Variants in CRMP1 observed in about 807,000 individuals in gnomAD.
CRMP1 encodes the protein dihydropyrimidinase-related protein 1.
CRMP1 carries 19 observed loss-of-function variants against 68.3 expected under a neutral mutation model. The observed-to-expected ratio is 0.28, with a 90% CI of 0.19 to 0.41. The LOEUF is 0.41. Among genes scored for constraint, CRMP1 ranks in the 10% least tolerant of loss-of-function variants. The pLI, the probability that CRMP1 is intolerant of heterozygous loss-of-function variation, is 1.00. For missense variants in CRMP1, 791 were observed against 967.4 expected (o/e 0.82, Z 2.42); for synonymous variants, 439 against 399.6 (o/e 1.10, Z -1.18).
rs1560508555 is a variant in CRMP1 at position 5,861,102 on chromosome 4, G to A, written c.579C>T (p.Pro193=). 1 of 1,614,216 alleles carries A rather than the reference G, an allele frequency of 6.2e-7. No homozygotes were observed. ...CATCAGCCGCAGTCATCCCCTGGGA[G>A]GGCTTCTGCAGGTACGTGTTGACAT... ...GIDVNTYLQK[P]SQGMTAADDF... Residue 193 remains proline, a synonymous_variant, in exon 3 of 14, where the codon CCC becomes CCT. Transcript: ENST00000324989. This position sits in a 1 kb window ranked among gnomAD's most constrained non-coding sequence, Gnocchi z 6.0.
chr4:5,890,737 AG>A lies in CRMP1; in HGVS notation c.381+1851del, dbSNP rs1409235580. On this transcript the variant is annotated intron_variant, in intron 1 of 13. Coordinates refer to ENST00000324989, the MANE Select transcript of CRMP1 (RefSeq NM_001014809.3). This position sits in a 1 kb window ranked among gnomAD's most constrained non-coding sequence, Gnocchi z 5.5. ...AGAGGTGAAGCGACCAGCGTCCCCA[AG>A]GGTCAGGGCGCAGCTGCGGGGCTGG... 6.6e-6 allele frequency among the ~76,000 whole-genome samples: 1 copy of A among 152,064 alleles called. No individual in the cohort carries two copies. The highest frequency in any genetic ancestry group is 1.5e-5 in the Non-Finnish European group (1 of 68,010).
chr4:5,836,942 A>C, intron 9 of CRMP1, 36 bp from the exon 10 acceptor site: 3 of 1,561,706 alleles, frequency 1.9e-6, no homozygotes, highest in South Asian at 1.2e-5. Flanking sequence ...TTCAGACCCT[A>C]GTTCATTTTG....
chr4:5,874,476 C>G (rs147185400), intron 1 of CRMP1, among the ~76,000 whole-genome samples: 1 of 152,288 alleles, frequency 6.6e-6, no homozygotes, highest in African/African-American at 2.4e-5. Flanking sequence ...CCCCAATGGT[C>G]ACAGTTCATG....
chr4:5,849,638 G>A (rs1490494273), intron 5 of CRMP1, among the ~76,000 whole-genome samples, 166 bp from the exon 6 acceptor site: 1 of 152,202 alleles, frequency 6.6e-6, no homozygotes, highest in Non-Finnish European at 1.5e-5. Context: ...AGTCAGACTT[G>A]GAAGGATCAT....
chr4:5,858,563 A>C lies in CRMP1; in HGVS notation c.656-2256T>G, dbSNP rs2152467004. Among the ~76,000 whole-genome samples, 1 of 152,194 alleles carries C rather than the reference A, an allele frequency of 6.6e-6. No individual in the cohort carries two copies. Among genetic ancestry groups the C allele is most frequent in the Non-Finnish European group, 1.5e-5 (1 of 68,002 alleles). On this transcript the variant is annotated intron_variant, in intron 3 of 13. Coordinates refer to ENST00000324989, the MANE Select transcript of CRMP1 (RefSeq NM_001014809.3). This position sits in a 1 kb window ranked among gnomAD's most constrained non-coding sequence, Gnocchi z 5.5. ...CTCCTCCATATCCCTGGAGCTGTCCAATTCTGCCCACTCCATGGCCACGCC... is the reference window on the plus strand; with the variant it reads ...CTCCTCCATATCCCTGGAGCTGTCCCATTCTGCCCACTCCATGGCCACGCC...
chr4:5,891,164 C>CCACACACACACACACACACACA lies in CRMP1; in HGVS notation c.381+1424_381+1425insTGTGTGTGTGTGTGTGTGTGTG, dbSNP rs1239944357. Among the ~76,000 whole-genome samples, 1 of 63,288 alleles carries CCACACACACACACACACACACA rather than the reference C, an allele frequency of 1.6e-5. No individual in the cohort carries two copies. Among genetic ancestry groups the CCACACACACACACACACACACA allele is most frequent in the Non-Finnish European group, 3.9e-5 (1 of 25,758 alleles). 41.5% of individuals were successfully genotyped at this position (63,288 alleles called of 152,430 possible). A position where few individuals can be genotyped will look rare whatever the true frequency, so the allele number is the denominator to read the frequency against. ...ATCTCCCTTTCTGATCACCCCACCA[C>CCACACACACACACACACACACA]CACACACACATACACACACACACAC... On this transcript the variant is annotated intron_variant, in intron 1 of 13. Transcript: ENST00000324989. This position sits in a 1 kb window ranked among gnomAD's most constrained non-coding sequence, Gnocchi z 5.2.
At chr4:5,833,976 G>T (rs1464926008) in intron 11 of CRMP1, among the ~76,000 whole-genome samples, 1 of 152,184 alleles carries the variant, frequency 6.6e-6, no homozygotes, top group African/African-American at 2.4e-5. Flanking sequence ...AACCCGGGAG[G>T]CGGAGCTTGC....
chr4:5,864,555 A>G (rs1713840149), intron 2 of CRMP1, among the ~76,000 whole-genome samples: 1 of 152,172 alleles, frequency 6.6e-6, no homozygotes. Context: ...CAGGACCTAC[A>G]GGTGCTGGGC....
At chr4:5,857,065 C>CCCA (rs1172838903) in intron 3 of CRMP1, among the ~76,000 whole-genome samples, 2,180 of 137,100 alleles carry the variant, frequency 0.016, 49 homozygotes, top group African/African-American at 0.057. Flanking sequence ...TCATTATCAC[C>CCCA]CCACCATCAC....
chr4:5,839,431 G>A lies in CRMP1; in HGVS notation c.1310+91C>T, dbSNP rs547213502. On this transcript the variant is annotated intron_variant, in intron 9 of 13. Coordinates refer to ENST00000324989, the MANE Select transcript of CRMP1 (RefSeq NM_001014809.3). ...GGCAGAGCCTCCTCTACAATCATGA[G>A]TCCAAACCAGCCTGCGGATTCCCAC... 17 of 1,484,180 alleles carry A rather than the reference G, an allele frequency of 1.1e-5. No individual in the cohort carries two copies. The East Asian group carries it at 4.0e-4, about 34-fold the overall frequency. The allele number at this position is 1,484,180 out of a possible 1,614,324, so 91.9% of individuals were successfully genotyped here.
chr4:5,831,786 A>G (rs73206298), intron 11 of CRMP1, among the ~76,000 whole-genome samples: 2,115 of 152,332 alleles, frequency 0.014, 26 homozygotes, highest in South Asian at 0.04. Context: ...CAATTCCTTC[A>G]TTTCTTAAAG....
intron 12 of CRMP1, chr4:5,827,934 G>C: frequency 1.6e-6 from 1 of 633,780 alleles, no homozygotes. Flanking sequence ...CCCTTTGACA[G>C]ATGTCCTGAG....
chr4:5,840,125 A>C (rs975837985), intron 8 of CRMP1, among the ~76,000 whole-genome samples: 8 of 152,188 alleles, frequency 5.3e-5, no homozygotes, highest in Non-Finnish European at 8.8e-5. Flanking sequence ...GACATAAGGC[A>C]GGGAAAGCAG....
rs2152477860 is a variant in CRMP1 at position 5,890,348 on chromosome 4, T to C, written c.381+2241A>G. The stretch of plus-strand genomic sequence containing the variant: ...CGCCGGTACAAAGCGCCGCAGCCGC[T>C]CAGCCTCCGGCAGCGGCAATCCTTG... On this transcript the variant is annotated intron_variant, in intron 1 of 13. Coordinates refer to ENST00000324989, the MANE Select transcript of CRMP1 (RefSeq NM_001014809.3). The surrounding 1 kb of genome is among the most constrained non-coding windows in gnomAD (Gnocchi z 5.5). Among the ~76,000 whole-genome samples the C allele has an allele frequency of 6.6e-6, 1 of 152,164 alleles. No homozygotes were observed. The highest frequency in any genetic ancestry group is 2.1e-4 in the South Asian group (1 of 4,812).
At chr4:5,885,688 T>C (rs3774894) in intron 1 of CRMP1, among the ~76,000 whole-genome samples, 82,877 of 151,852 alleles carry the variant, frequency 0.55, 23,106 homozygotes, top group East Asian at 0.74. Flanking sequence ...CTGGGGTTTC[T>C]TCCGCCCCGC....
intron 12 of CRMP1, among the ~76,000 whole-genome samples, chr4:5,827,843 C>G (rs1304000656): frequency 6.6e-6 from 1 of 152,126 alleles, no homozygotes; most frequent in East Asian, 1.9e-4. Flanking sequence ...AAGATGTTGG[C>G]CACGGGCGGG....
chr4:5,862,293 T>C (rs16837759), intron 2 of CRMP1, among the ~76,000 whole-genome samples: 1,896 of 147,274 alleles, frequency 0.013, 39 homozygotes, highest in African/African-American at 0.048. Flanking sequence ...TCCACTGCCA[T>C]TGCTTATAAT....
chr4:5,844,252 T>C (rs1231590895), intron 6 of CRMP1, among the ~76,000 whole-genome samples: 1 of 151,282 alleles, frequency 6.6e-6, no homozygotes, highest in East Asian at 2.0e-4. Context: ...AAAGCATTTT[T>C]AGAAAATGTT....
At chr4:5,857,243 T>C (rs1041467651) in intron 3 of CRMP1, among the ~76,000 whole-genome samples, 1 of 148,844 alleles carries the variant, frequency 6.7e-6, no homozygotes, top group Admixed American at 6.6e-5. Context: ...ACCATCACCA[T>C]CATCATCATC....
Sources: gnomAD v4.1 joint callset for allele counts (sites outside exome capture counted in the v4.1 genomes callset) on GRCh38, gnomAD v4.1.1 for gene constraint, Gnocchi (gnomAD v3.1) non-coding constraint, MANE v1.5 for transcripts, NCBI Gene and HGNC (gene_info 2026-07-23, HGNC 2026-07-21) for gene names.